NFIL3: variants seen among roughly 807,000 people sequenced by gnomAD.
NFIL3 encodes nuclear factor interleukin-3-regulated protein.
In NFIL3, 5 loss-of-function variants were observed where a neutral mutation model predicts 10.0. The ratio of observed to expected loss-of-function variants is 0.50; its 90% CI spans 0.26 to 1.06. NFIL3 has a LOEUF of 1.06. Ranked by LOEUF, NFIL3 falls within the 50% of genes least tolerant of loss-of-function variation. NFIL3 has a pLI of 0.13. For synonymous variants in NFIL3, 202 were observed against 206.5 expected, an observed-to-expected ratio of 0.98 and a Z score of 0.19; for missense variants, 436 against 547.6, an observed-to-expected ratio of 0.80 and a Z score of 2.03.
chr9:91,425,052 G>T (rs1356061775), upstream of NFIL3, among the ~76,000 whole-genome samples: 1 of 152,246 alleles, frequency 6.6e-6, no homozygotes, highest in East Asian at 1.9e-4. Context: ...AGGGAGCCAT[G>T]TTCCCGACAG....
At chr9:91,415,437 G>C (rs553197144) in intron 1 of NFIL3, among the ~76,000 whole-genome samples, 2 of 152,174 alleles carry the variant, frequency 1.3e-5, no homozygotes, top group Admixed American at 1.3e-4. Flanking sequence ...CTAAATGGCA[G>C]AGCGTACATT....
At chr9:91,470,093 T>G in the NFIL3 span, among the ~76,000 whole-genome samples, 1 of 152,186 alleles carries the variant, frequency 6.6e-6, no homozygotes, top group African/African-American at 2.4e-5. Flanking sequence ...TTGGAATAGT[T>G]TCAGAAGGAA....
upstream of NFIL3, among the ~76,000 whole-genome samples, chr9:91,425,942 A>G (rs1432717905): frequency 1.3e-5 from 2 of 152,200 alleles, no homozygotes; most frequent in Non-Finnish European, 2.9e-5. Flanking sequence ...TGTCCTGCAT[A>G]ATCTACCCTC....
At chr9:91,482,353 T>G in the NFIL3 span, among the ~76,000 whole-genome samples, 1 of 151,804 alleles carries the variant, frequency 6.6e-6, no homozygotes, top group Non-Finnish European at 1.5e-5. Flanking sequence ...TATATGAATG[T>G]GGTGAAAGTT....
the NFIL3 span, among the ~76,000 whole-genome samples, chr9:91,438,712 C>T: frequency 6.6e-6 from 1 of 152,068 alleles, no homozygotes; most frequent in Non-Finnish European, 1.5e-5. Context: ...AGTCCAATTT[C>T]ATTCTTTTAT....
chr9:91,410,184 T>C lies in NFIL3; in HGVS notation c.551A>G (p.Gln184Arg). Residue 184 changes from glutamine (Q) to arginine (R), a missense_variant, in exon 2 of 2, where the codon CAA (glutamine) becomes CGA (arginine). Physicochemically the swap from Gln to Arg is conservative, Grantham distance 43. Transcript: ENST00000297689. This position sits in a 1 kb window ranked among gnomAD's most constrained non-coding sequence, Gnocchi z 5.7. ...TTCTGAAACATCGGACAGCGAGCTT[T>C]GTGGAGAGTGTTTAATGACAGAAAT... is the stretch of plus-strand genomic sequence containing the variant. ...SCISVIKHSP[Q>R]SSLSDVSEVS... 6.2e-7 allele frequency: 1 copy of C among 1,614,138 alleles called. No homozygotes were observed. The highest frequency in any genetic ancestry group is 2.2e-5 in the East Asian group (1 of 44,880).
chr9:91,436,575 C>CACA, the NFIL3 span, among the ~76,000 whole-genome samples: 1 of 127,078 alleles, frequency 7.9e-6, no homozygotes, highest in South Asian at 2.7e-4. Flanking sequence ...AAGACTCTGC[C>CACA]TCAACAACAA....
chr9:91,445,815 C>T, the NFIL3 span, among the ~76,000 whole-genome samples: 2 of 152,088 alleles, frequency 1.3e-5, no homozygotes, highest in African/African-American at 4.8e-5. Context: ...GCTCCAGTGA[C>T]TGAAATCGGG....
chr9:91,450,195 A>G, the NFIL3 span, among the ~76,000 whole-genome samples: 11 of 151,974 alleles, frequency 7.2e-5, no homozygotes, highest in Admixed American at 7.2e-4. Context: ...TGTATTCTCT[A>G]TTTTATTTAT....
the NFIL3 span, among the ~76,000 whole-genome samples, chr9:91,478,170 T>G: frequency 6.6e-6 from 1 of 152,166 alleles, no homozygotes; most frequent in Admixed American, 6.5e-5. Flanking sequence ...GTGTTCTCTG[T>G]ATTTCCTGAA....
the NFIL3 span, among the ~76,000 whole-genome samples, chr9:91,473,677 C>T: frequency 3.9e-5 from 6 of 152,218 alleles, no homozygotes; most frequent in African/African-American, 7.2e-5. Flanking sequence ...GGTAAGGCAA[C>T]GCCCTGCCCT....
In NFIL3 at chr9:91,410,396, G is replaced by C. The variant is rs1254848421; in HGVS notation, c.339C>G (p.Ala113=). Reference sequence around the variant, plus strand: ...GTGAAAGCAGCTCAGCTTTTAAAGTGGCGTTTTCTTCTCCCAGTGCAATTA... The same window carrying C: ...GTGAAAGCAGCTCAGCTTTTAAAGTCGCGTTTTCTTCTCCCAGTGCAATTA... ...NKLIALGEEN[A]TLKAELLSLK... The change falls in exon 2 of 2, where the codon GCC becomes GCG. Residue 113 remains alanine, a synonymous_variant. Transcript: ENST00000297689. The surrounding 1 kb of genome is among the most constrained non-coding windows in gnomAD (Gnocchi z 5.7). The C allele has an allele frequency of 1.9e-6, 3 of 1,613,446 alleles. No individual in the cohort carries two copies. Among genetic ancestry groups the C allele is most frequent in the Non-Finnish European group, 2.5e-6 (3 of 1,179,862 alleles).
At chr9:91,470,007 C>T in the NFIL3 span, among the ~76,000 whole-genome samples, 6 of 152,082 alleles carry the variant, frequency 3.9e-5, no homozygotes, top group Non-Finnish European at 7.3e-5. Context: ...TTTGTGGTGT[C>T]TCTGCCAGGC....
At chr9:91,412,714 G>A (rs1045322191) in intron 1 of NFIL3, among the ~76,000 whole-genome samples, 4 of 151,884 alleles carry the variant, frequency 2.6e-5, no homozygotes, top group Non-Finnish European at 5.9e-5. Flanking sequence ...TGTGGTGACA[G>A]GCGCCTGTAA....
intron 1 of NFIL3, among the ~76,000 whole-genome samples, chr9:91,421,426 C>T (rs542712724): frequency 1.3e-5 from 2 of 152,072 alleles, no homozygotes; most frequent in Non-Finnish European, 1.5e-5. Context: ...GAGGACCCCC[C>T]GCGCCAGAAC....
the NFIL3 span, among the ~76,000 whole-genome samples, chr9:91,433,558 T>C: frequency 2.2e-4 from 33 of 152,326 alleles, no homozygotes; most frequent in African/African-American, 6.0e-4. Flanking sequence ...GGTGCCCCTA[T>C]TTTCCTTTTC....
intron 1 of NFIL3, among the ~76,000 whole-genome samples, chr9:91,411,382 T>TA (rs1216875040): frequency 2.0e-5 from 3 of 152,206 alleles, no homozygotes; most frequent in Non-Finnish European, 4.4e-5. Context: ...AAAGGGACTT[T>TA]ACCAAGTAAA....
chr9:91,424,014 C>G (rs1334146840), upstream of NFIL3, among the ~76,000 whole-genome samples: 1 of 148,826 alleles, frequency 6.7e-6, no homozygotes, highest in South Asian at 2.1e-4. Context: ...CTCAGCTCCC[C>G]CTCCGCGGCG....
the NFIL3 span, among the ~76,000 whole-genome samples, chr9:91,471,310 T>C: frequency 6.6e-6 from 1 of 152,054 alleles, no homozygotes; most frequent in Admixed American, 6.5e-5. Context: ...TTAAAGTCTG[T>C]TTTATCAGAG....
Sources: gnomAD v4.1 joint callset for allele counts (sites outside exome capture counted in the v4.1 genomes callset) on GRCh38, gnomAD v4.1.1 for gene constraint, Gnocchi (gnomAD v3.1) non-coding constraint, MANE v1.5 for transcripts, NCBI Gene and HGNC (gene_info 2026-07-23, HGNC 2026-07-21) for gene names.